Variants in CNTN6 observed in about 807,000 individuals in gnomAD.
The protein encoded by CNTN6 is contactin 6, also known as contactin-6.
CNTN6 carries 137 observed loss-of-function variants against 122.8 expected under a neutral mutation model. The observed-to-expected ratio is 1.12, with a 90% CI of 0.97 to 1.29. CNTN6 has a LOEUF of 1.29. Ranked by LOEUF, CNTN6 falls within the 50% of genes most tolerant of loss-of-function variation. The pLI, the probability that CNTN6 is intolerant of heterozygous loss-of-function variation, is 0.00. For missense variants in CNTN6, 1,634 were observed against 1,223.4 expected, an observed-to-expected ratio of 1.34 and a Z score of -5.01; for synonymous variants, 570 against 426.0, an observed-to-expected ratio of 1.34 and a Z score of -4.16.
intron 7 of CNTN6, among the ~76,000 whole-genome samples, chr3:1,310,962 T>C (rs56121456): frequency 0.039 from 5,869 of 152,010 alleles, 157 homozygotes; most frequent in Middle Eastern, 0.095. Flanking sequence ...GATTGTGCCA[T>C]TGCAGTTCCC....
At chr3:1,309,379 A>G (rs1698877529) in intron 7 of CNTN6, among the ~76,000 whole-genome samples, 1 of 152,196 alleles carries the variant, frequency 6.6e-6, no homozygotes, top group African/African-American at 2.4e-5. Flanking sequence ...TATCTGTTAA[A>G]AAGACAAATT....
At chr3:1,365,067 C>G (rs775566255) in intron 12 of CNTN6, among the ~76,000 whole-genome samples, 30 of 151,948 alleles carry the variant, frequency 2.0e-4, no homozygotes, top group African/African-American at 7.2e-4. Flanking sequence ...AATATTCACT[C>G]TCCCCCAACA....
At chr3:1,129,425 A>G (rs1042155020) in intron 1 of CNTN6, among the ~76,000 whole-genome samples, 5 of 152,088 alleles carry the variant, frequency 3.3e-5, no homozygotes, top group East Asian at 1.9e-4. Context: ...CAGAAATTGT[A>G]CCGTCTTCAT....
In CNTN6 at chr3:1,148,026, A is replaced by G. The variant is rs757869584; in HGVS notation, c.18A>G (p.Lys6=). 4 of 1,607,480 alleles carry G rather than the reference A, an allele frequency of 2.5e-6. No individual in the cohort carries two copies. In the South Asian group the frequency reaches 4.4e-5, roughly 18 times the overall value. The change falls in exon 2 of 23, where the codon AAA becomes AAG. Residue 6 remains lysine, a synonymous_variant. Coordinates refer to ENST00000446702, the MANE Select transcript of CNTN6 (RefSeq NM_001289080.2). ...AAGTGGAAATGAGGTTGCTATGGAAACTGGTAATTCTGCTGCCACTCATAA... is the reference window on the plus strand; with the variant it reads ...AAGTGGAAATGAGGTTGCTATGGAAGCTGGTAATTCTGCTGCCACTCATAA... MRLLW[K]LVILLPLINS...
At chr3:1,164,025 C>G (rs1340030017) in intron 2 of CNTN6, among the ~76,000 whole-genome samples, 1 of 152,178 alleles carries the variant, frequency 6.6e-6, no homozygotes, top group Non-Finnish European at 1.5e-5. Context: ...TCTTCCCTAT[C>G]CAGATCTGGA....
chr3:1,259,239 T>C (rs927433094), intron 4 of CNTN6, among the ~76,000 whole-genome samples: 5 of 152,126 alleles, frequency 3.3e-5, no homozygotes, highest in African/African-American at 9.7e-5. Context: ...ACCATGTTTA[T>C]AGATAAATAA....
intron 5 of CNTN6, among the ~76,000 whole-genome samples, chr3:1,287,071 C>T (rs769475253): frequency 8.5e-5 from 13 of 152,132 alleles, no homozygotes; most frequent in Non-Finnish European, 1.8e-4. Context: ...ATTCATAAAG[C>T]ACGTTCTTAG....
rs114528094 is a variant in CNTN6 at position 1,198,521 on chromosome 3, G to A, written c.56-22166G>A. On this transcript the variant is annotated intron_variant, in intron 2 of 22. Transcript: ENST00000446702. ...GTGGATCACCTGAGGTTAGGGATTC[G>A]AGACCAACCTGACCAACATGGTGAA... Among the ~76,000 whole-genome samples, 591 of 152,136 alleles carry A rather than the reference G, an allele frequency of 3.9e-3. 2 individuals are homozygous for A. The highest frequency in any genetic ancestry group is 0.014 in the African/African-American group (566 of 41,506).
chr3:1,389,137 GA>G (rs1463382492), intron 20 of CNTN6, among the ~76,000 whole-genome samples: 1 of 145,020 alleles, frequency 6.9e-6, no homozygotes, highest in Non-Finnish European at 1.5e-5. Flanking sequence ...TGAAATGAAG[GA>G]AAAAATGTTA....
intron 2 of CNTN6, among the ~76,000 whole-genome samples, chr3:1,202,223 G>T (rs571885667): frequency 3.0e-4 from 45 of 152,356 alleles, no homozygotes; most frequent in Middle Eastern, 3.4e-3. Context: ...TGAGGAGAAG[G>T]AAAAGCTTCA....
chr3:1,125,553 C>A (rs931152306), intron 1 of CNTN6, among the ~76,000 whole-genome samples: 1 of 151,612 alleles, frequency 6.6e-6, no homozygotes, highest in East Asian at 1.9e-4. Flanking sequence ...CAAACCAGGT[C>A]AGAATAAAAA....
intron 5 of CNTN6, among the ~76,000 whole-genome samples, chr3:1,290,736 C>T (rs921780639): frequency 6.6e-6 from 1 of 152,144 alleles, no homozygotes; most frequent in Non-Finnish European, 1.5e-5. Flanking sequence ...TCATTATATA[C>T]CTCCTGGTTT....
At chr3:1,127,033 TATAA>T (rs2092187392) in intron 1 of CNTN6, among the ~76,000 whole-genome samples, 1 of 151,550 alleles carries the variant, frequency 6.6e-6, no homozygotes. Context: ...ATACAAATTA[TATAA>T]AAGTATACAA....
chr3:1,367,685 C>T (rs1051600804), intron 12 of CNTN6, among the ~76,000 whole-genome samples: 1 of 152,112 alleles, frequency 6.6e-6, no homozygotes, highest in African/African-American at 2.4e-5. Context: ...AGTCGGCATG[C>T]GTGCACAGCA....
intron 1 of CNTN6, among the ~76,000 whole-genome samples, chr3:1,115,107 T>C (rs2091659482): frequency 6.6e-6 from 1 of 152,190 alleles, no homozygotes; most frequent in Admixed American, 6.6e-5. Context: ...GCTGGGAGTT[T>C]ATATGATCCT....
chr3:1,402,237 G>A, intron 21 of CNTN6, 81 bp from the exon 22 acceptor site: 2 of 1,084,292 alleles, frequency 1.8e-6, no homozygotes, highest in Non-Finnish European at 2.7e-6. Flanking sequence ...TGTATCTTAT[G>A]TCTTACAGTG....
At position 1,297,890 on chromosome 3, in the gene CNTN6, T is replaced by TTC; in HGVS notation, c.660_661insTC (p.Val221SerfsTer2). On this transcript the variant is annotated frameshift_variant and splice_region_variant, in exon 7 of 23. Coordinates refer to ENST00000446702, the MANE Select transcript of CNTN6 (RefSeq NM_001289080.2). LOFTEE classifies it high-confidence loss of function. ...GCTAGCTCTTTTGATATTTAACAGG[T>TTC]GTGATGGGGGAATATGAACCAAAGA... is the stretch of plus-strand genomic sequence containing the variant. 3 of 1,608,324 alleles carry TTC rather than the reference T, an allele frequency of 1.9e-6. No homozygotes were observed. The highest frequency in any genetic ancestry group is 2.6e-6 in the Non-Finnish European group (3 of 1,176,242).
intron 2 of CNTN6, among the ~76,000 whole-genome samples, chr3:1,157,943 G>A (rs926555161): frequency 6.6e-6 from 1 of 152,120 alleles, no homozygotes. Context: ...TGTGAATAGT[G>A]CTGCAACAAA....
At chr3:1,374,451 G>GCCATATAT (rs1709572498) in intron 16 of CNTN6, among the ~76,000 whole-genome samples, 1 of 152,064 alleles carries the variant, frequency 6.6e-6, no homozygotes, top group Non-Finnish European at 1.5e-5. Flanking sequence ...GGTGCAGTCA[G>GCCATATAT]CCATATATTT....
Sources: allele counts gnomAD v4.1 joint callset (sites outside exome capture counted in the v4.1 genomes callset), GRCh38; gene constraint gnomAD v4.1.1; transcripts MANE v1.5; gene names NCBI Gene and HGNC (gene_info 2026-07-23, HGNC 2026-07-21).